Variants in CLMN observed in about 807,000 individuals in gnomAD.
CLMN encodes the protein calmin.
Under a neutral mutation model 92.7 loss-of-function variants are expected in CLMN, and 57 were observed. That is an observed-to-expected ratio of 0.61 (90% confidence interval 0.50 to 0.77). The LOEUF (loss-of-function observed/expected upper bound fraction) is 0.77, where lower values mean the gene tolerates loss of function less well. Among genes scored for constraint, CLMN ranks in the 30% least tolerant of loss-of-function variants. The probability of loss-of-function intolerance (pLI) is 0.00; values close to 1 mark genes in which losing one functional copy is unlikely to be tolerated. For missense variants in CLMN, 1,158 were observed against 1,237.5 expected (o/e 0.94, Z 0.96); for synonymous variants, 466 against 470.6 (o/e 0.99, Z 0.13).
At position 95,279,869 on chromosome 14, in the gene CLMN, A is replaced by G. The variant is rs1040552501; in HGVS notation, c.82+39842T>C. Among the ~76,000 whole-genome samples, 30 of 152,256 alleles carry G rather than the reference A, an allele frequency of 2.0e-4. 1 individual carries two copies. The highest frequency in any genetic ancestry group is 1.3e-3 in the Admixed American group (20 of 15,290). ...AGTTGCTAAGAGTTAACACTGTAAC[A>G]TGTATATTGAGACGACTAAAGAAAC... On this transcript the variant is annotated intron_variant, in intron 1 of 12. Transcript: ENST00000298912.
intron 1 of CLMN, among the ~76,000 whole-genome samples, chr14:95,268,322 G>A (rs1899558463): frequency 6.8e-6 from 1 of 147,880 alleles, no homozygotes; most frequent in Admixed American, 6.8e-5. Flanking sequence ...AATAATAAAT[G>A]AACTATCTGT....
At chr14:95,237,564 G>A (rs143492863) in intron 1 of CLMN, among the ~76,000 whole-genome samples, 65 of 152,334 alleles carry the variant, frequency 4.3e-4, no homozygotes, top group Non-Finnish European at 7.1e-4. Flanking sequence ...AGGGTGGCAG[G>A]AGGCCTCACA....
intron 1 of CLMN, among the ~76,000 whole-genome samples, chr14:95,255,440 GT>G (rs1469762357): frequency 6.6e-6 from 1 of 152,146 alleles, no homozygotes; most frequent in Non-Finnish European, 1.5e-5. Context: ...AGTCATTGTT[GT>G]TAATCTCTCA....
At position 95,259,027 on chromosome 14, in the gene CLMN, G is replaced by A. The variant is rs532428708; in HGVS notation, c.83-28894C>T. 1.1e-4 allele frequency among the ~76,000 whole-genome samples: 17 copies of A among 150,428 alleles called. No homozygotes were observed. The highest frequency in any genetic ancestry group is 1.9e-4 in the Non-Finnish European group (13 of 67,726). ...TATGTATGTGTGATATGTGTTGTGT[G>A]TGTTTGTGTGGTGTGGTGTGTGGAG... On this transcript the variant is annotated intron_variant, in intron 1 of 12. Transcript: ENST00000298912. The surrounding 1 kb of genome is among the most constrained non-coding windows in gnomAD (Gnocchi z 4.3).
chr14:95,194,184 GCTA>G lies in CLMN; in HGVS notation c.2770-268_2770-266del, dbSNP rs1314089670. ...TGCTGCTCCGGGTTCTAACACATCT[GCTA>G]CTGAGCACGTGCCACTGTCCATCGG... On this transcript the variant is annotated intron_variant, in intron 11 of 12. Coordinates refer to ENST00000298912, the MANE Select transcript of CLMN (RefSeq NM_024734.4). The surrounding 1 kb of genome is among the most constrained non-coding windows in gnomAD (Gnocchi z 4.0). The G allele has an allele frequency of 5.7e-6, 8 of 1,400,816 alleles. No homozygotes were observed. Among genetic ancestry groups the G allele is most frequent in the Non-Finnish European group, 7.4e-6 (8 of 1,082,854 alleles). The allele number at this position is 1,400,816 out of a possible 1,614,324, so 86.8% of individuals were successfully genotyped here.
intron 1 of CLMN, among the ~76,000 whole-genome samples, chr14:95,260,812 C>T (rs1234116443): frequency 1.3e-5 from 2 of 152,132 alleles, no homozygotes; most frequent in African/African-American, 2.4e-5. Context: ...AAATGAAATA[C>T]AGTTGATTCT....
At chr14:95,313,647 A>C (rs1349627701) in intron 1 of CLMN, among the ~76,000 whole-genome samples, 1 of 152,176 alleles carries the variant, frequency 6.6e-6, no homozygotes, top group Non-Finnish European at 1.5e-5. Flanking sequence ...AAACAAAAAA[A>C]AAAAAAAGGC....
At chr14:95,260,403 C>G (rs1899203416) in intron 1 of CLMN, 1 of 151,384 alleles carries the variant, frequency 6.6e-6, no homozygotes, top group South Asian at 2.1e-4. Context: ...GATGGCGCCA[C>G]TGCACTCCAG....
intron 1 of CLMN, among the ~76,000 whole-genome samples, chr14:95,258,441 T>C (rs1229035335): frequency 1.3e-5 from 2 of 150,524 alleles, no homozygotes; most frequent in African/African-American, 4.9e-5. Context: ...GTATGTGTGG[T>C]GTGGTTGTGT....
chr14:95,319,195 C>T (rs1177371880), intron 1 of CLMN, among the ~76,000 whole-genome samples: 2 of 152,230 alleles, frequency 1.3e-5, no homozygotes, highest in East Asian at 3.9e-4. Flanking sequence ...TGCCTGACCC[C>T]ACCGATCCGA....
intron 1 of CLMN, among the ~76,000 whole-genome samples, chr14:95,272,684 T>C (rs921479140): frequency 5.3e-5 from 8 of 152,202 alleles, no homozygotes; most frequent in African/African-American, 1.9e-4. Context: ...TGCCAAGCTC[T>C]TGACTAGATG....
At chr14:95,312,562 C>G (rs1014779933) in intron 1 of CLMN, among the ~76,000 whole-genome samples, 1 of 152,190 alleles carries the variant, frequency 6.6e-6, no homozygotes, top group Non-Finnish European at 1.5e-5. Flanking sequence ...CAGCCTGATA[C>G]TTGCTGACAA....
chr14:95,255,983 C>T (rs1265276826), intron 1 of CLMN, among the ~76,000 whole-genome samples: 3 of 152,256 alleles, frequency 2.0e-5, no homozygotes, highest in Middle Eastern at 3.4e-3. Context: ...TCCTTTAATC[C>T]GTATTCTTTT....
chr14:95,237,276 A>G (rs1165768539), intron 1 of CLMN, among the ~76,000 whole-genome samples: 1 of 152,216 alleles, frequency 6.6e-6, no homozygotes, highest in Non-Finnish European at 1.5e-5. Context: ...GCCTTTCGCA[A>G]TCCTCACAAA....
chr14:95,205,855 A>G (rs1321048738), intron 8 of CLMN, among the ~76,000 whole-genome samples: 1 of 152,240 alleles, frequency 6.6e-6, no homozygotes, highest in Non-Finnish European at 1.5e-5. Flanking sequence ...ATAAATGCAC[A>G]CAAAAGAAAT....
chr14:95,244,988 TACACACACAC>T (rs140106985), intron 1 of CLMN, among the ~76,000 whole-genome samples: 5 of 135,842 alleles, frequency 3.7e-5, no homozygotes, highest in Non-Finnish European at 7.8e-5. Flanking sequence ...TATATGTGTA[TACACACACAC>T]ACACACACAC....
rs537809697 is a variant in CLMN at position 95,312,687 on chromosome 14, T to A, written c.82+7024A>T. Among the ~76,000 whole-genome samples, 9 of 152,280 alleles carry A rather than the reference T, an allele frequency of 5.9e-5. No individual in the cohort carries two copies. The South Asian group carries it at 1.9e-3, about 32-fold the overall frequency. ...TGCTGGAAAGAAGAGTGATTCCTTG[T>A]CCACAGATGTTGGGGCTTTCTTCTG... On this transcript the variant is annotated intron_variant, in intron 1 of 12. Transcript: ENST00000298912.
intron 7 of CLMN, among the ~76,000 whole-genome samples, chr14:95,210,042 G>A (rs952819608): frequency 4.0e-5 from 6 of 150,670 alleles, no homozygotes; most frequent in African/African-American, 1.5e-4. Flanking sequence ...TACCAGTAGT[G>A]GAAGAGCTAA....
intron 1 of CLMN, among the ~76,000 whole-genome samples, chr14:95,242,173 C>G (rs550728410): frequency 6.6e-6 from 1 of 151,508 alleles, no homozygotes; most frequent in East Asian, 1.9e-4. Context: ...AATTGAGGTG[C>G]CTGGGTCCCA....
Sources: allele counts gnomAD v4.1 joint callset (sites outside exome capture counted in the v4.1 genomes callset), GRCh38; gene constraint gnomAD v4.1.1; non-coding constraint Gnocchi (gnomAD v3.1); transcripts MANE v1.5; gene names NCBI Gene and HGNC (gene_info 2026-07-23, HGNC 2026-07-21).